ZNF185: variants seen among roughly 807,000 people sequenced by gnomAD.
The protein encoded by ZNF185 is zinc finger protein 185.
In ZNF185, 56 loss-of-function variants were observed where a neutral mutation model predicts 58.6. That is an observed-to-expected ratio of 0.95 (90% CI 0.77 to 1.19). The LOEUF (loss-of-function observed/expected upper bound fraction) is 1.19. Among genes scored for constraint, ZNF185 ranks in the 50% most tolerant of loss-of-function variants. ZNF185 has a pLI of 0.00. For synonymous variants in ZNF185, 230 were observed against 215.9 expected, an observed-to-expected ratio of 1.07 and a Z score of -0.57; for missense variants, 627 against 573.5, an observed-to-expected ratio of 1.09 and a Z score of -0.95.
At chrX:152,932,960 C>T (rs782432727) in exon 14 of ZNF185, 13 of 1,193,937 alleles carry the variant, frequency 1.1e-5, no homozygotes, top group Admixed American at 4.6e-5. Context: ...ACATCGGCTC[C>T]GAGAGAGGAA....
intron 15 of ZNF185, among the ~76,000 whole-genome samples, chrX:152,939,346 G>A (rs997374469): frequency 1.8e-5 from 2 of 111,915 alleles, no homozygotes; most frequent in Non-Finnish European, 3.8e-5. Flanking sequence ...TGTGCTAGGT[G>A]CCTTACAGCC....
intron 14 of ZNF185, among the ~76,000 whole-genome samples, chrX:152,934,519 T>C (rs1387572817): frequency 1.8e-5 from 2 of 112,251 alleles, no homozygotes; most frequent in Non-Finnish European, 3.8e-5. Context: ...CTTACCTATA[T>C]AGTAGTCCCT....
In ZNF185 at chrX:152,921,249, G is replaced by A. The variant is rs782317190; in HGVS notation, c.656+501G>A. ...CATTAGTTGAGACAGGGCACCTTCTGGAGGAGGAAAATATTCGGGGGAAAG... is the reference window on the plus strand; with the variant it reads ...CATTAGTTGAGACAGGGCACCTTCTAGAGGAGGAAAATATTCGGGGGAAAG... On this transcript the variant is annotated intron_variant, in intron 9 of 22. Transcript: ENST00000449285. 8.0e-5 allele frequency among the ~76,000 whole-genome samples: 9 copies of A among 112,100 alleles called. No homozygotes were observed. The East Asian group carries it at 2.5e-3, about 32-fold the overall frequency.
At chrX:152,966,108 G>A (rs781956530) in intron 19 of ZNF185, among the ~76,000 whole-genome samples, 2 of 110,218 alleles carry the variant, frequency 1.8e-5, no homozygotes, top group East Asian at 2.9e-4. Flanking sequence ...CCTGGGTTCA[G>A]GCAATTCTCC....
intron 10 of ZNF185, 123 bp from the exon 12 acceptor site, chrX:152,922,597 C>A: frequency 3.0e-6 from 2 of 660,373 alleles, no homozygotes; most frequent in South Asian, 2.9e-5. Context: ...GGCCAGCCAC[C>A]ATGGCAGTAG....
exon 23 of ZNF185, chrX:152,973,233 G>A (rs1385753760): frequency 8.9e-6 from 1 of 112,123 alleles, no homozygotes; most frequent in Non-Finnish European, 1.9e-5. Flanking sequence ...CCCCGTTCAA[G>A]GTATAGTCTG....
At chrX:152,914,875 C>T (rs371028010) in intron 2 of ZNF185, 42 bp downstream of exon 3, 19 of 1,156,533 alleles carry the variant, frequency 1.6e-5, no homozygotes, top group Non-Finnish European at 2.1e-5. Context: ...AACGTGGGGG[C>T]GCGCAATCCG....
chrX:152,915,089 G>A, intron 2 of ZNF185, 49 bp from the exon 4 acceptor site: 1 of 1,179,733 alleles, frequency 8.5e-7, no homozygotes, highest in Non-Finnish European at 1.1e-6. Context: ...AGGATGGCAG[G>A]TGACAGGGAG....
At chrX:152,947,031 CTGTT>C (rs1192387316) in intron 16 of ZNF185, among the ~76,000 whole-genome samples, 1 of 111,910 alleles carries the variant, frequency 8.9e-6, no homozygotes, top group African/African-American at 3.2e-5. Context: ...ATATTGGAGA[CTGTT>C]TGCTTACACC....
intron 12 of ZNF185, among the ~76,000 whole-genome samples, chrX:152,930,546 G>A (rs1355234197): frequency 1.8e-5 from 2 of 111,435 alleles, no homozygotes; most frequent in Non-Finnish European, 3.8e-5. Context: ...CATGTTGAGA[G>A]TGGGCCTCCT....
intron 16 of ZNF185, among the ~76,000 whole-genome samples, chrX:152,946,140 C>T (rs1271312447): frequency 8.9e-6 from 1 of 112,667 alleles, no homozygotes; most frequent in Non-Finnish European, 1.9e-5. Context: ...GACACGTCAA[C>T]AGGCCAGTGA....
upstream of ZNF185, among the ~76,000 whole-genome samples, chrX:152,912,493 A>T (rs1937540321): frequency 8.9e-6 from 1 of 112,063 alleles, no homozygotes; most frequent in Non-Finnish European, 1.9e-5. Context: ...GTAACTGATG[A>T]GTCCTTGTGC....
In ZNF185 at chrX:152,915,210, G is replaced by T. The variant is rs1556864998; in HGVS notation, c.224+7G>T. ...GGGAGGTTCCGAAGCCTAGGTAAGA[G>T]GTGGTGCTCAGGTGGCTGGTGGGTC... On this transcript the variant is annotated splice_region_variant and intron_variant, in intron 3 of 22. Transcript: ENST00000449285. The T allele has an allele frequency of 8.3e-7, 1 of 1,208,770 alleles. No homozygotes were observed. Among genetic ancestry groups the T allele is most frequent in the Non-Finnish European group, 1.1e-6 (1 of 894,328 alleles).
the ZNF185 span, among the ~76,000 whole-genome samples, chrX:152,903,752 C>G: frequency 0.046 from 5,126 of 111,542 alleles, 129 homozygotes; most frequent in Non-Finnish European, 0.066. Context: ...TTGTATCTGG[C>G]TCTCTGAGAA....
intron 15 of ZNF185, among the ~76,000 whole-genome samples, chrX:152,939,235 G>A (rs1332814234): frequency 2.9e-5 from 3 of 105,071 alleles, no homozygotes; most frequent in Non-Finnish European, 6.0e-5. Context: ...GTGGGCAATG[G>A]ATATCTAAGG....
chrX:152,941,716 C>T, intron 15 of ZNF185: 1 of 1,164,803 alleles, frequency 8.6e-7, no homozygotes, highest in Non-Finnish European at 1.1e-6. Context: ...GAAATGGCCG[C>T]CCGGGACGAG....
At chrX:152,899,673 T>C in the ZNF185 span, among the ~76,000 whole-genome samples, 1 of 111,918 alleles carries the variant, frequency 8.9e-6, no homozygotes, top group Admixed American at 9.4e-5. Flanking sequence ...CCAGGACCAC[T>C]TAGGATGTTG....
At chrX:152,938,087 T>G (rs1556884067) in exon 15 of ZNF185, 3 of 1,179,143 alleles carry the variant, frequency 2.5e-6, no homozygotes, top group Non-Finnish European at 3.4e-6. Context: ...CAGTGCCACT[T>G]CAGTCTCTGC....
chrX:152,929,509 T>C (rs1941547070), intron 12 of ZNF185, among the ~76,000 whole-genome samples: 1 of 111,308 alleles, frequency 9.0e-6, no homozygotes, highest in Non-Finnish European at 1.9e-5. Context: ...GAGGGCTTCC[T>C]GGAGGAATTG....
Sources: allele counts gnomAD v4.1 joint callset (sites outside exome capture counted in the v4.1 genomes callset), GRCh38; gene constraint gnomAD v4.1.1; transcripts MANE v1.5; gene names NCBI Gene and HGNC (gene_info 2026-07-23, HGNC 2026-07-21).